CEP85L: variants seen among roughly 807,000 people sequenced by gnomAD.
CEP85L encodes centrosomal protein of 85 kDa-like.
Under a neutral mutation model 100.3 loss-of-function variants are expected in CEP85L, and 60 were observed. The ratio of observed to expected loss-of-function variants is 0.60; its 90% CI spans 0.49 to 0.74. The LOEUF is 0.74. Ranked by LOEUF, CEP85L falls within the 30% of genes least tolerant of loss-of-function variation. The probability of loss-of-function intolerance (pLI) is 0.00; values close to 1 mark genes in which losing one functional copy is unlikely to be tolerated. For missense variants in CEP85L, 973 were observed against 936.2 expected (o/e 1.04, Z -0.51); for synonymous variants, 319 against 322.7 (o/e 0.99, Z 0.12).
At chr6:118,640,199 T>C (rs1222359785) in intron 1 of CEP85L, among the ~76,000 whole-genome samples, 1 of 152,166 alleles carries the variant, frequency 6.6e-6, no homozygotes, top group Non-Finnish European at 1.5e-5. Context: ...GCAGAATATC[T>C]AGCTAAGATG....
intron 3 of CEP85L, among the ~76,000 whole-genome samples, chr6:118,535,043 A>G (rs965578576): frequency 2.6e-5 from 4 of 152,174 alleles, no homozygotes; most frequent in Non-Finnish European, 5.9e-5. Flanking sequence ...TAAATAAATA[A>G]TAAAAATAAA....
chr6:118,587,494 TG>T (rs1306238134), intron 2 of CEP85L, among the ~76,000 whole-genome samples: 6 of 152,134 alleles, frequency 3.9e-5, no homozygotes, highest in Non-Finnish European at 8.8e-5. Flanking sequence ...GAAGCCCTAG[TG>T]GGGGGCTTTC....
At chr6:118,633,853 AG>A (rs1396091597) in intron 1 of CEP85L, among the ~76,000 whole-genome samples, 16 of 152,388 alleles carry the variant, frequency 1.0e-4, no homozygotes, top group African/African-American at 3.6e-4. Flanking sequence ...CAGGGCTTAC[AG>A]AATTATTCAT....
At chr6:118,534,437 G>C (rs1274519614) in intron 3 of CEP85L, among the ~76,000 whole-genome samples, 1 of 152,088 alleles carries the variant, frequency 6.6e-6, no homozygotes, top group Admixed American at 6.5e-5. Flanking sequence ...CGGATCATCT[G>C]AGGTAAGGAG....
intron 2 of CEP85L, among the ~76,000 whole-genome samples, chr6:118,611,179 G>A (rs1772586987): frequency 1.3e-5 from 2 of 152,058 alleles, no homozygotes; most frequent in South Asian, 4.1e-4. Flanking sequence ...TGTTGGAAGT[G>A]GTTTTAAATG....
At chr6:118,680,220 G>A (rs1776605421) in intron 1 of CEP85L, among the ~76,000 whole-genome samples, 1 of 149,248 alleles carries the variant, frequency 6.7e-6, no homozygotes, top group Non-Finnish European at 1.5e-5. Context: ...TTGAGCCCAG[G>A]AGGACAAAGT....
chr6:118,500,515 AT>A (rs940084284), intron 5 of CEP85L, among the ~76,000 whole-genome samples: 1 of 31,254 alleles, frequency 3.2e-5, no homozygotes, highest in Admixed American at 1.9e-4. Context: ...CTGACTGATA[AT>A]TACTCAACAA....
At chr6:118,666,209 T>C (rs1296284162) in intron 1 of CEP85L, among the ~76,000 whole-genome samples, 1 of 152,222 alleles carries the variant, frequency 6.6e-6, no homozygotes, top group Non-Finnish European at 1.5e-5. Context: ...ATTGTTTTAT[T>C]ATGCAAAGCA....
chr6:118,608,215 G>C (rs544285420), intron 2 of CEP85L, among the ~76,000 whole-genome samples: 1 of 152,206 alleles, frequency 6.6e-6, no homozygotes, highest in Admixed American at 6.5e-5. Flanking sequence ...GAACATTTCT[G>C]CTGGGCACGG....
chr6:118,514,961 T>G (rs1776186025), intron 4 of CEP85L, among the ~76,000 whole-genome samples: 1 of 151,696 alleles, frequency 6.6e-6, no homozygotes, highest in Non-Finnish European at 1.5e-5. Context: ...GGATCCACTG[T>G]GCCCGGCTAA....
At chr6:118,513,370 C>CAA (rs1229736804) in intron 4 of CEP85L, among the ~76,000 whole-genome samples, 1 of 151,728 alleles carries the variant, frequency 6.6e-6, no homozygotes, top group Non-Finnish European at 1.5e-5. Flanking sequence ...CAGTGAACCC[C>CAA]AAATAAAAGT....
At chr6:118,572,137 G>A (rs980251687) in intron 2 of CEP85L, among the ~76,000 whole-genome samples, 1 of 151,770 alleles carries the variant, frequency 6.6e-6, no homozygotes, top group African/African-American at 2.4e-5. Context: ...ATTACAGGCG[G>A]AAGCCACCAC....
intron 3 of CEP85L, among the ~76,000 whole-genome samples, chr6:118,534,917 C>A (rs11754973): frequency 6.6e-6 from 1 of 151,914 alleles, no homozygotes; most frequent in Non-Finnish European, 1.5e-5. Context: ...CTACTTGGGA[C>A]GCTGAGGCAC....
rs145248049 is a variant in CEP85L at position 118,576,815 on chromosome 6, T to G, written c.233-10499A>C. On this transcript the variant is annotated intron_variant, in intron 2 of 12. Coordinates refer to ENST00000368491, the MANE Select transcript of CEP85L (RefSeq NM_001042475.3). Reference sequence around the variant, plus strand: ...ACTTATCCATTGTAAAAATTAAAGATCTAAAGCAAACCATAGCCATTGAAA... The same window carrying G: ...ACTTATCCATTGTAAAAATTAAAGAGCTAAAGCAAACCATAGCCATTGAAA... Among the ~76,000 whole-genome samples, 62 of 152,218 alleles carry G rather than the reference T, an allele frequency of 4.1e-4. 2 individuals are homozygous for G. The East Asian group carries it at 7.9e-3, about 19-fold the overall frequency.
intron 3 of CEP85L, among the ~76,000 whole-genome samples, chr6:118,542,271 AGGTAATGTTTTAG>A (rs1777937467): frequency 6.6e-6 from 1 of 152,164 alleles, no homozygotes; most frequent in South Asian, 2.1e-4. Flanking sequence ...TCCAATGAAC[AGGTAATGTTTTAG>A]GGTTTTTTAG....
chr6:118,608,852 T>C (rs893488868), intron 2 of CEP85L, among the ~76,000 whole-genome samples: 2 of 152,236 alleles, frequency 1.3e-5, no homozygotes, highest in African/African-American at 4.8e-5. Context: ...TTGGCTCATA[T>C]ACCATAAATT....
intron 2 of CEP85L, among the ~76,000 whole-genome samples, chr6:118,570,318 T>C (rs1329339544): frequency 6.6e-6 from 1 of 152,206 alleles, no homozygotes; most frequent in Non-Finnish European, 1.5e-5. Flanking sequence ...GAGTTTAAAA[T>C]ACTTCTAAAG....
intron 2 of CEP85L, among the ~76,000 whole-genome samples, chr6:118,592,512 G>GA (rs200132616): frequency 0.014 from 2,184 of 152,120 alleles, 58 homozygotes; most frequent in African/African-American, 0.05. Flanking sequence ...GTCATATCTG[G>GA]AAGTGATGTT....
chr6:118,468,339 G>A (rs1288653399), intron 12 of CEP85L, among the ~76,000 whole-genome samples: 2 of 152,094 alleles, frequency 1.3e-5, no homozygotes, highest in African/African-American at 4.8e-5. Context: ...ATACACGTTG[G>A]CCCATAAACC....
Sources: allele counts gnomAD v4.1 joint callset (sites outside exome capture counted in the v4.1 genomes callset), GRCh38; gene constraint gnomAD v4.1.1; transcripts MANE v1.5; gene names NCBI Gene and HGNC (gene_info 2026-07-23, HGNC 2026-07-21).